The following RNF130 variants were observed in gnomAD, a reference collection of about 807,000 sequenced individuals.
The protein encoded by RNF130 is ring finger protein 130.
RNF130 carries 21 observed loss-of-function variants against 44.6 expected under a neutral mutation model. The observed-to-expected ratio is 0.47, with a 90% CI of 0.33 to 0.68. RNF130 has a LOEUF of 0.68. Ranked by LOEUF, RNF130 falls within the 30% of genes least tolerant of loss-of-function variation. RNF130 has a pLI of 0.02. For missense variants in RNF130, 479 were observed against 560.6 expected (o/e 0.85, Z 1.47); for synonymous variants, 214 against 210.4 (o/e 1.02, Z -0.15).
intron 2 of RNF130, among the ~76,000 whole-genome samples, chr5:180,039,931 G>A (rs977321984): frequency 4.6e-5 from 7 of 152,104 alleles, no homozygotes; most frequent in Admixed American, 1.3e-4. Context: ...AAAACTCATC[G>A]CACAGCGCCT....
At chr5:179,976,490 C>T (rs553137643) in intron 5 of RNF130, among the ~76,000 whole-genome samples, 7 of 152,344 alleles carry the variant, frequency 4.6e-5, no homozygotes, top group Admixed American at 2.6e-4. Flanking sequence ...CTGATTTGCA[C>T]TGGCGTGTGC....
Position 179,969,728 on chromosome 5 carries a change from G to A in RNF130, c.945+682C>T, listed in dbSNP as rs539763836. 2.6e-5 allele frequency among the ~76,000 whole-genome samples: 4 copies of A among 152,244 alleles called. No individual in the cohort carries two copies. The East Asian group carries it at 5.8e-4, about 22-fold the overall frequency. ...AAAGTGGCCAGGCACGGTGGCTCAC[G>A]CCTGTAACCCCAGCACTTTGGGAGG... On this transcript the variant is annotated intron_variant, in intron 6 of 8. Coordinates refer to ENST00000521389, the MANE Select transcript of RNF130 (RefSeq NM_018434.6).
chr5:179,947,752 GTA>G (rs1194825372), intron 7 of RNF130, among the ~76,000 whole-genome samples: 1 of 152,068 alleles, frequency 6.6e-6, no homozygotes, highest in African/African-American at 2.4e-5. Context: ...TCAAACAAAA[GTA>G]TATGTGTGTA....
intron 2 of RNF130, among the ~76,000 whole-genome samples, 192 bp downstream of exon 2, chr5:180,040,261 C>A (rs1764376089): frequency 1.3e-5 from 2 of 152,184 alleles, no homozygotes; most frequent in Admixed American, 1.3e-4. Context: ...GCTTTACAGA[C>A]TGCTATCACC....
intron 6 of RNF130, among the ~76,000 whole-genome samples, chr5:179,967,728 G>C (rs1762483008): frequency 6.6e-6 from 1 of 152,196 alleles, no homozygotes; most frequent in African/African-American, 2.4e-5. Context: ...ACAGCTGGGA[G>C]GGGTGGTTGT....
intron 3 of RNF130, among the ~76,000 whole-genome samples, chr5:180,008,789 T>C (rs1046416957): frequency 2.9e-4 from 44 of 151,644 alleles, no homozygotes; most frequent in Middle Eastern, 3.4e-3. Flanking sequence ...GAGGCAGAGG[T>C]CAGAGAATCA....
chr5:180,047,208 C>G (rs1582218642), intron 1 of RNF130, among the ~76,000 whole-genome samples: 1 of 152,174 alleles, frequency 6.6e-6, no homozygotes, highest in African/African-American at 2.4e-5. Context: ...TCTACCCTAT[C>G]TTTCCTTATT....
chr5:179,945,743 G>T (rs1391937991), intron 7 of RNF130, among the ~76,000 whole-genome samples: 2 of 152,270 alleles, frequency 1.3e-5, no homozygotes, highest in East Asian at 3.9e-4. Flanking sequence ...CTTATGAGCG[G>T]TGTCCGGCCT....
At position 179,963,561 on chromosome 5, in the gene RNF130, T is replaced by G; in HGVS notation, c.1154A>C (p.Glu385Ala). The G allele has an allele frequency of 6.2e-7, 1 of 1,610,056 alleles. No homozygotes were observed. The highest frequency in any genetic ancestry group is 8.5e-7 in the Non-Finnish European group (1 of 1,176,488). ...GCCAAAACTGGCAATAATAAACCAT[T>G]CTTCTGTTGACAAAGGAAAGGGAGG... ...TGEINIAVTK[E>A]WFIIASFGLL... The change falls in exon 8 of 9, where the codon GAA (glutamate) becomes GCA (alanine). Residue 385 changes from glutamate (E) to alanine (A), a missense_variant. This residue lies in a region of RNF130 where 161 missense variants were observed against 158.6 expected (regional missense o/e 1.02). Transcript: ENST00000521389.
intron 7 of RNF130, among the ~76,000 whole-genome samples, chr5:179,946,688 G>C (rs1231634507): frequency 6.6e-6 from 1 of 151,914 alleles, no homozygotes; most frequent in African/African-American, 2.4e-5. Context: ...CGAGTAGCTG[G>C]GACTACAGGC....
rs1765261925 is a variant in RNF130 at position 180,071,457 on chromosome 5, T to C, written c.246A>G (p.Gly82=). The change falls in exon 1 of 9, where the codon GGA becomes GGG. Residue 82 remains glycine, a splice_region_variant and synonymous_variant. Coordinates refer to ENST00000521389, the MANE Select transcript of RNF130 (RefSeq NM_018434.6). ...CGCCGCCCCCGGGCCGGCACTCACC[T>C]CCGTGGAGGGGCAGCGGCGCCAGCA... The part of the protein sequence containing the change: ...GQVLAPLPLH[G]VADHLGCDPQ... 8.1e-7 allele frequency: 1 copy of C among 1,241,616 alleles called. No individual in the cohort carries two copies. The highest frequency in any genetic ancestry group is 3.2e-5 in the East Asian group (1 of 31,550). The allele number at this position is 1,241,616 out of a possible 1,614,324, so 76.9% of individuals were successfully genotyped here.
intron 3 of RNF130, among the ~76,000 whole-genome samples, chr5:180,001,881 T>G (rs1430182139): frequency 6.6e-6 from 1 of 152,016 alleles, no homozygotes; most frequent in African/African-American, 2.4e-5. Flanking sequence ...GGTACTAGAG[T>G]TCTACGGCCT....
rs1265559824 is a variant in RNF130, at chr5:180,047,795, T to C, written c.248-7148A>G. On this transcript the variant is annotated intron_variant, in intron 1 of 8. Transcript: ENST00000521389. Reference sequence around the variant, plus strand: ...CCACTCTTTGTTCTCCAAACTGGCCTGCCCCAGCCAAGCGCTCTCCTCTCT... The same window carrying C: ...CCACTCTTTGTTCTCCAAACTGGCCCGCCCCAGCCAAGCGCTCTCCTCTCT... 3.3e-5 allele frequency among the ~76,000 whole-genome samples: 5 copies of C among 152,186 alleles called. No homozygotes were observed. In the East Asian group the frequency reaches 9.6e-4, roughly 29 times the overall value.
intron 7 of RNF130, among the ~76,000 whole-genome samples, chr5:179,944,267 C>T (rs1381382039): frequency 6.6e-6 from 1 of 152,112 alleles, no homozygotes; most frequent in Non-Finnish European, 1.5e-5. Flanking sequence ...CCGCACCCAG[C>T]CTTATTTCTA....
intron 7 of RNF130, among the ~76,000 whole-genome samples, chr5:179,966,188 C>T (rs749404321): frequency 3.9e-5 from 6 of 152,124 alleles, no homozygotes; most frequent in African/African-American, 7.2e-5. Flanking sequence ...TCCTGCTAGT[C>T]GACAGTGCAA....
chr5:180,029,008 T>C lies in RNF130; in HGVS notation c.442+11445A>G, dbSNP rs569199300. Among the ~76,000 whole-genome samples the C allele has an allele frequency of 3.3e-5, 5 of 152,272 alleles. No homozygotes were observed. The South Asian group carries it at 1.0e-3, about 32-fold the overall frequency. On this transcript the variant is annotated intron_variant, in intron 2 of 8. Coordinates refer to ENST00000521389, the MANE Select transcript of RNF130 (RefSeq NM_018434.6). ...TCAATAAATTTTGCAATCACCCTCT[T>C]TTAGGTAGACGAGGATGCCAGTTTA...
chr5:180,021,288 A>C (rs1424929097), intron 2 of RNF130, among the ~76,000 whole-genome samples: 3 of 152,138 alleles, frequency 2.0e-5, no homozygotes, highest in Non-Finnish European at 2.9e-5. Context: ...GCGCCTGGCC[A>C]AAATCTAAAT....
intron 3 of RNF130, among the ~76,000 whole-genome samples, chr5:179,987,129 C>CCCTT (rs1345770844): frequency 6.6e-6 from 1 of 151,772 alleles, no homozygotes; most frequent in Admixed American, 6.6e-5. Flanking sequence ...ATATGGATGC[C>CCCTT]CCTTCCTCCC....
intron 2 of RNF130, among the ~76,000 whole-genome samples, chr5:180,035,466 G>A (rs1764228188): frequency 6.6e-6 from 1 of 152,216 alleles, no homozygotes; most frequent in South Asian, 2.1e-4. Context: ...TGAAATGAAT[G>A]TGTATTCTAG....
Sources: allele counts gnomAD v4.1 joint callset (sites outside exome capture counted in the v4.1 genomes callset), GRCh38; gene constraint gnomAD v4.1.1; regional missense constraint gnomAD v4.1.1; transcripts MANE v1.5; gene names NCBI Gene and HGNC (gene_info 2026-07-23, HGNC 2026-07-21).